Variants in LHX4 observed in about 807,000 individuals in gnomAD.
The protein encoded by LHX4 is LIM/homeobox protein Lhx4.
Under a neutral mutation model 39.2 loss-of-function variants are expected in LHX4, and 16 were observed. The ratio of observed to expected loss-of-function variants is 0.41; its 90% confidence interval spans 0.28 to 0.62. The LOEUF is 0.62. Ranked by LOEUF, LHX4 falls within the 20% of genes least tolerant of loss-of-function variation. The probability of loss-of-function intolerance (pLI) is 0.33; values close to 1 mark genes in which losing one functional copy is unlikely to be tolerated. For missense variants in LHX4, 439 were observed against 511.9 expected, an observed-to-expected ratio of 0.86 and a Z score of 1.37; for synonymous variants, 206 against 198.1, an observed-to-expected ratio of 1.04 and a Z score of -0.33.
At chr1:180,271,706 G>A (rs1320810907) in intron 4 of LHX4, 129 bp from the exon 5 acceptor site, 9 of 1,268,070 alleles carry the variant, frequency 7.1e-6, no homozygotes, top group African/African-American at 1.5e-5. Flanking sequence ...GGGGTGGGGC[G>A]CATCGCACTC....
chr1:180,259,206 G>A (rs554294944), intron 2 of LHX4, among the ~76,000 whole-genome samples: 11 of 152,120 alleles, frequency 7.2e-5, no homozygotes, highest in Non-Finnish European at 1.5e-4. Flanking sequence ...AGGCTTGGGA[G>A]GCCAGGGAGA....
rs1179693303 is a variant in LHX4 at position 180,232,099 on chromosome 1, C to A, written c.76+1494C>A. Among the ~76,000 whole-genome samples, 1 of 152,196 alleles carries A rather than the reference C, an allele frequency of 6.6e-6. No individual in the cohort carries two copies. The highest frequency in any genetic ancestry group is 1.5e-5 in the Non-Finnish European group (1 of 68,042). ...CCCACACCCCGCACACAGGCAGGGA[C>A]AGAGTGGGTTCTCAGCCCCTGCAAA... On this transcript the variant is annotated intron_variant, in intron 1 of 5. Coordinates refer to ENST00000263726, the MANE Select transcript of LHX4 (RefSeq NM_033343.4). This position sits in a 1 kb window ranked among gnomAD's most constrained non-coding sequence, Gnocchi z 5.4.
intron 1 of LHX4, among the ~76,000 whole-genome samples, chr1:180,238,162 G>A (rs988723288): frequency 2.0e-5 from 3 of 152,216 alleles, no homozygotes; most frequent in African/African-American, 7.2e-5. Flanking sequence ...TGATAACATC[G>A]AAATTATCTC....
At chr1:180,244,231 C>T (rs931420272) in intron 1 of LHX4, among the ~76,000 whole-genome samples, 6 of 152,130 alleles carry the variant, frequency 3.9e-5, no homozygotes, top group African/African-American at 1.2e-4. Flanking sequence ...GTTTAATCCC[C>T]CCGTCAACAT....
chr1:180,268,849 C>T (rs1419905312), intron 3 of LHX4, among the ~76,000 whole-genome samples: 3 of 152,174 alleles, frequency 2.0e-5, no homozygotes, highest in Non-Finnish European at 4.4e-5. Flanking sequence ...GAGTTCTGTC[C>T]ACTGCAGAAT....
At position 180,232,508 on chromosome 1, in the gene LHX4, C is replaced by G. The variant is rs919948982; in HGVS notation, c.76+1903C>G. 2.6e-5 allele frequency among the ~76,000 whole-genome samples: 4 copies of G among 152,122 alleles called. No individual in the cohort carries two copies. Among genetic ancestry groups the G allele is most frequent in the African/African-American group, 2.4e-5 (1 of 41,416 alleles). On this transcript the variant is annotated intron_variant, in intron 1 of 5. Coordinates refer to ENST00000263726, the MANE Select transcript of LHX4 (RefSeq NM_033343.4). The surrounding 1 kb of genome is among the most constrained non-coding windows in gnomAD (Gnocchi z 5.4). ...CACACTGTGGAAAACTTGAGGTGTA[C>G]AAAGGAACTTCCACACCCACCCCCC...
At chr1:180,236,558 C>G (rs56028446) in intron 1 of LHX4, among the ~76,000 whole-genome samples, 1 of 152,080 alleles carries the variant, frequency 6.6e-6, no homozygotes, top group Non-Finnish European at 1.5e-5. Context: ...ACTGTTCTTT[C>G]TATTACCTTG....
In LHX4 at chr1:180,278,962, A is replaced by G. The variant is rs184398297; in HGVS notation, c.*4383A>G. The G allele has an allele frequency of 3.3e-5, 5 of 152,282 alleles. No homozygotes were observed. The allele number at this position is 152,282 out of a possible 1,614,324, so 9.4% of individuals were successfully genotyped here. On this transcript the variant is annotated 3_prime_UTR_variant, in exon 6 of 6. Transcript: ENST00000263726. ...AGATGTGTACGGTAAAATTATGTAA[A>G]ATAAATATGGAAATTCTTTAGATGC...
intron 1 of LHX4, among the ~76,000 whole-genome samples, chr1:180,244,848 A>G (rs764640738): frequency 1.3e-5 from 2 of 152,200 alleles, no homozygotes; most frequent in Non-Finnish European, 2.9e-5. Context: ...GGAAATCCAG[A>G]TCACACAAAG....
intron 3 of LHX4, among the ~76,000 whole-genome samples, chr1:180,267,253 C>T (rs1648356945): frequency 6.6e-6 from 1 of 152,228 alleles, no homozygotes; most frequent in African/African-American, 2.4e-5. Flanking sequence ...CTGCCCCCAC[C>T]CCCTTCACCA....
chr1:180,232,278 T>C lies in LHX4; in HGVS notation c.76+1673T>C, dbSNP rs1230597944. Among the ~76,000 whole-genome samples the C allele has an allele frequency of 1.3e-5, 2 of 152,216 alleles. No individual in the cohort carries two copies. Among genetic ancestry groups the C allele is most frequent in the Non-Finnish European group, 2.9e-5 (2 of 68,022 alleles). ...TCTGTGCTTTCATGGCTGTGGTCCGTAGGTGACCTGTCTGTTGGGACCCCA... is the reference window on the plus strand; with the variant it reads ...TCTGTGCTTTCATGGCTGTGGTCCGCAGGTGACCTGTCTGTTGGGACCCCA... On this transcript the variant is annotated intron_variant, in intron 1 of 5. Transcript: ENST00000263726. This position sits in a 1 kb window ranked among gnomAD's most constrained non-coding sequence, Gnocchi z 5.4.
At chr1:180,265,432 A>G (rs985412520) in intron 2 of LHX4, among the ~76,000 whole-genome samples, 1 of 152,128 alleles carries the variant, frequency 6.6e-6, no homozygotes, top group Admixed American at 6.5e-5. Context: ...TCCTATGACC[A>G]TCGGTGTGCC....
Position 180,230,305 on chromosome 1 carries a change from C to A in LHX4, c.-225C>A. On this transcript the variant is annotated 5_prime_UTR_variant, in exon 1 of 6. Coordinates refer to ENST00000263726, the MANE Select transcript of LHX4 (RefSeq NM_033343.4). The surrounding 1 kb of genome is among the most constrained non-coding windows in gnomAD (Gnocchi z 5.8). The stretch of plus-strand genomic sequence containing the variant: ...CGTCTCAACCTGGGATGTGCACCAA[C>A]CCCGGAGAGCGAGATCAAAGGGACT... The A allele has an allele frequency of 8.2e-6, 5 of 606,432 alleles. No individual in the cohort carries two copies. In the South Asian group the frequency reaches 9.5e-5, roughly 12 times the overall value. 37.6% of individuals were successfully genotyped at this position (606,432 alleles called of 1,614,324 possible). A position where few individuals can be genotyped will look rare whatever the true frequency, so the allele number is the denominator to read the frequency against.
chr1:180,262,404 C>T (rs756866854), intron 2 of LHX4, among the ~76,000 whole-genome samples: 9 of 152,020 alleles, frequency 5.9e-5, no homozygotes, highest in Non-Finnish European at 8.8e-5. Flanking sequence ...CTGTCATGCT[C>T]ATCAGCTATG....
At chr1:180,259,397 G>A (rs892416450) in intron 2 of LHX4, among the ~76,000 whole-genome samples, 1 of 150,794 alleles carries the variant, frequency 6.6e-6, no homozygotes, top group African/African-American at 2.5e-5. Context: ...TGGTTGCTGG[G>A]AGTCTCATTA....
chr1:180,248,282 C>G lies in LHX4; in HGVS notation c.77-3C>G. On this transcript the variant is annotated splice_polypyrimidine_tract_variant and splice_region_variant and intron_variant, in intron 1 of 5. Coordinates refer to ENST00000263726, the MANE Select transcript of LHX4 (RefSeq NM_033343.4). ...CAGTGCCTCTCTCTCCTCTTCCTCA[C>G]AGAGATTCCCCAGTGCGCTGGCTGC... The G allele has an allele frequency of 6.2e-7, 1 of 1,613,998 alleles. No homozygotes were observed. Among genetic ancestry groups the G allele is most frequent in the Non-Finnish European group, 8.5e-7 (1 of 1,179,954 alleles).
rs532924592 is a variant in LHX4, at chr1:180,239,989, G to A, written c.77-8296G>A. The stretch of plus-strand genomic sequence containing the variant: ...TCCCATGGACCCAGCTCCTTTTCTC[G>A]AAAGGAGCAAGAAAAACCTTGTCCT... On this transcript the variant is annotated intron_variant, in intron 1 of 5. Transcript: ENST00000263726. Among the ~76,000 whole-genome samples the A allele has an allele frequency of 3.9e-5, 6 of 152,224 alleles. No homozygotes were observed. The East Asian group carries it at 1.2e-3, about 29-fold the overall frequency.
chr1:180,271,980 T>C lies in LHX4; in HGVS notation c.752T>C (p.Val251Ala), dbSNP rs754828184. The C allele has an allele frequency of 9.9e-6, 16 of 1,611,700 alleles. No homozygotes were observed. The highest frequency in any genetic ancestry group is 7.7e-5 in the South Asian group (7 of 90,968). Residue 251 changes from valine (V) to alanine (A), a missense_variant, in exon 5 of 6, where the codon GTT becomes GCT. Val to Ala is a moderately conservative substitution (Grantham distance 64, BLOSUM62 0). Coordinates refer to ENST00000263726, the MANE Select transcript of LHX4 (RefSeq NM_033343.4). ...GAGAGCTCTGCAGAGGACTGTGGGGTTAGTGACAGTGAGCTGAGCTTCCGA... is the reference window on the plus strand; with the variant it reads ...GAGAGCTCTGCAGAGGACTGTGGGGCTAGTGACAGTGAGCTGAGCTTCCGA... ...EKESSAEDCG[V>A]SDSELSFRED...
At chr1:180,264,561 G>A (rs997867782) in intron 2 of LHX4, among the ~76,000 whole-genome samples, 1 of 152,112 alleles carries the variant, frequency 6.6e-6, no homozygotes, top group Non-Finnish European at 1.5e-5. Flanking sequence ...CCTCAGGTTC[G>A]GCCATCTCCG....
Sources: allele counts gnomAD v4.1 joint callset (sites outside exome capture counted in the v4.1 genomes callset), GRCh38; gene constraint gnomAD v4.1.1; non-coding constraint Gnocchi (gnomAD v3.1); transcripts MANE v1.5; gene names NCBI Gene and HGNC (gene_info 2026-07-23, HGNC 2026-07-21).